The following CSMD1 variants were observed in gnomAD, a reference collection of about 807,000 sequenced individuals.
CSMD1 encodes the protein CUB and Sushi multiple domains 1.
A neutral mutation model predicts 417.5 loss-of-function variants in CSMD1; 213 were observed. That is an observed-to-expected ratio of 0.51 (90% CI 0.46 to 0.57). The LOEUF (loss-of-function observed/expected upper bound fraction) is 0.57, where lower values mean the gene tolerates loss of function less well. CSMD1 is among the 20% of genes least tolerant of loss of function. CSMD1 has a pLI of 0.00. For synonymous variants in CSMD1, 2,862 were observed against 1,736.8 expected, an observed-to-expected ratio of 1.65 and a Z score of -16.11; for missense variants, 6,923 against 4,529.7, an observed-to-expected ratio of 1.53 and a Z score of -15.17.
chr8:3,772,300 C>T (rs1486021007), intron 5 of CSMD1, among the ~76,000 whole-genome samples: 1 of 139,574 alleles, frequency 7.2e-6, no homozygotes, highest in East Asian at 2.0e-4. Context: ...TACATATGTA[C>T]ATATATTTAG....
At chr8:3,051,994 G>C (rs1003214589) in intron 50 of CSMD1, among the ~76,000 whole-genome samples, 7 of 152,146 alleles carry the variant, frequency 4.6e-5, no homozygotes, top group African/African-American at 1.7e-4. Context: ...TATTTACTGA[G>C]CATCGATGTG....
Position 3,348,099 on chromosome 8 carries a change from T to G in CSMD1, c.3367A>C (p.Asn1123His). Residue 1123 changes from asparagine (N) to histidine (H), a missense_variant, in exon 22 of 70, where the codon AAT becomes CAT. Asn to His is a moderately conservative substitution (Grantham distance 68). Transcript: ENST00000635120. ...GTLLSPNFPS[N>H]YDNNHECIYK... ...ATACACTCATGGTTATTATCATAAT[T>G]GGATGGAAAATTTGGAGACAGTAAT... is the stretch of plus-strand genomic sequence containing the variant. 1 of 1,612,904 alleles carries G rather than the reference T, an allele frequency of 6.2e-7. No homozygotes were observed. The highest frequency in any genetic ancestry group is 8.5e-7 in the Non-Finnish European group (1 of 1,179,376).
intron 3 of CSMD1, among the ~76,000 whole-genome samples, chr8:4,059,527 A>C (rs1798863306): frequency 1.3e-5 from 2 of 152,194 alleles, no homozygotes; most frequent in Admixed American, 1.3e-4. Context: ...AAGGATCAAC[A>C]AAATTGATAG....
At chr8:4,294,979 C>T (rs1585176666) in intron 3 of CSMD1, among the ~76,000 whole-genome samples, 1 of 150,146 alleles carries the variant, frequency 6.7e-6, no homozygotes, top group East Asian at 2.0e-4. Context: ...TTATATTTTG[C>T]CAAGTCACCT....
chr8:3,392,385 A>G (rs1455546453), intron 17 of CSMD1, among the ~76,000 whole-genome samples: 1 of 152,160 alleles, frequency 6.6e-6, no homozygotes, highest in African/African-American at 2.4e-5. Context: ...TAGTGCCTGC[A>G]TCTTGGCTTC....
At chr8:3,945,166 C>A (rs1325988313) in intron 5 of CSMD1, among the ~76,000 whole-genome samples, 1 of 111,594 alleles carries the variant, frequency 9.0e-6, no homozygotes, top group Non-Finnish European at 1.8e-5. Flanking sequence ...AATAATTTGA[C>A]CATGAGAAAG....
intron 10 of CSMD1, chr8:3,515,173 T>A (rs1357305574): frequency 1.3e-5 from 2 of 152,236 alleles, no homozygotes; most frequent in Admixed American, 1.3e-4. Context: ...ATGAAAGTCC[T>A]ACTCTCTATG....
intron 7 of CSMD1, among the ~76,000 whole-genome samples, chr8:3,657,294 G>T (rs556506361): frequency 6.6e-6 from 1 of 152,074 alleles, no homozygotes; most frequent in Non-Finnish European, 1.5e-5. Context: ...AGAAAAACCA[G>T]TCCCATTTAC....
At chr8:3,637,616 G>C (rs1044500022) in intron 7 of CSMD1, among the ~76,000 whole-genome samples, 1 of 151,782 alleles carries the variant, frequency 6.6e-6, no homozygotes, top group African/African-American at 2.4e-5. Context: ...TATATACTGG[G>C]TGCTACTGTT....
chr8:3,439,149 AAAACC>A lies in CSMD1; in HGVS notation c.1562-29549_1562-29545del, dbSNP rs1814778466. 4.8e-5 allele frequency among the ~76,000 whole-genome samples: 6 copies of A among 125,984 alleles called. 1 individual carries two copies. Among genetic ancestry groups the A allele is most frequent in the East Asian group, 4.8e-4 (2 of 4,194 alleles). The allele number at this position is 125,984 out of a possible 152,430, so 82.7% of individuals were successfully genotyped here. A position where few individuals can be genotyped will look rare whatever the true frequency, so the allele number is the denominator to read the frequency against. Reference sequence around the variant, plus strand: ...AAAAAAAAAAAAAAAAAAAAAAAAAAAAACCAAGAAAAAAAAAAGAAAAAGAAAAA... The same window carrying A: ...AAAAAAAAAAAAAAAAAAAAAAAAAAAAGAAAAAAAAAAGAAAAAGAAAAA... On this transcript the variant is annotated intron_variant, in intron 12 of 69. Transcript: ENST00000635120.
intron 23 of CSMD1, among the ~76,000 whole-genome samples, chr8:3,333,469 A>G (rs1221226532): frequency 6.6e-6 from 1 of 152,238 alleles, no homozygotes. Context: ...TTTCTCAGCT[A>G]GGTTAACAGC....
intron 2 of CSMD1, among the ~76,000 whole-genome samples, chr8:4,503,149 G>C (rs946460704): frequency 1.3e-5 from 2 of 152,144 alleles, no homozygotes; most frequent in African/African-American, 2.4e-5. Flanking sequence ...TTTACGTGAA[G>C]TGTGCTTTTA....
chr8:4,869,674 C>G (rs947239494), intron 1 of CSMD1, among the ~76,000 whole-genome samples: 6 of 151,902 alleles, frequency 3.9e-5, no homozygotes, highest in African/African-American at 1.2e-4. Context: ...AACATTAGGG[C>G]ACCATTTTCT....
At chr8:4,575,387 T>C (rs1442560562) in intron 2 of CSMD1, among the ~76,000 whole-genome samples, 4 of 152,206 alleles carry the variant, frequency 2.6e-5, no homozygotes, top group African/African-American at 4.8e-5. Flanking sequence ...AGCTGGATTT[T>C]AGAAATTTAA....
chr8:3,096,376 C>G (rs1480462763), intron 47 of CSMD1, among the ~76,000 whole-genome samples: 1 of 118,354 alleles, frequency 8.4e-6, no homozygotes, highest in East Asian at 1.9e-4. Context: ...CCATGCTGTT[C>G]TCCTGATAGT....
chr8:4,429,521 G>A (rs79190267), intron 2 of CSMD1, among the ~76,000 whole-genome samples: 11,512 of 152,188 alleles, frequency 0.076, 540 homozygotes, highest in South Asian at 0.13. Flanking sequence ...TAGAATTCAA[G>A]TTGGATCAGA....
intron 5 of CSMD1, among the ~76,000 whole-genome samples, chr8:3,826,783 TTTTTAA>T (rs1446093167): frequency 2.6e-5 from 4 of 152,100 alleles, no homozygotes; most frequent in South Asian, 4.1e-4. Context: ...TTTTTATTTA[TTTTTAA>T]TTTTAATATT....
chr8:4,896,954 G>A (rs922963731), intron 1 of CSMD1, among the ~76,000 whole-genome samples: 1 of 152,004 alleles, frequency 6.6e-6, no homozygotes, highest in Admixed American at 6.6e-5. Flanking sequence ...CCAAGGAAGG[G>A]CTCTCCATTT....
Position 3,281,501 on chromosome 8 carries a change from T to C in CSMD1, c.4153+2643A>G, listed in dbSNP as rs576577399. ...AACAAGTCAATAGAATATTATTCGC[T>C]GCTAAAAAGAAATGATCCGTACAGC... is the stretch of plus-strand genomic sequence containing the variant. On this transcript the variant is annotated intron_variant, in intron 26 of 69. Coordinates refer to ENST00000635120, the MANE Select transcript of CSMD1 (RefSeq NM_033225.6). 1.2e-3 allele frequency among the ~76,000 whole-genome samples: 180 copies of C among 152,078 alleles called. 1 individual carries two copies. Among genetic ancestry groups the C allele is most frequent in the African/African-American group, 4.1e-3 (172 of 41,476 alleles).
Sources: gnomAD v4.1 joint callset for allele counts (sites outside exome capture counted in the v4.1 genomes callset) on GRCh38, gnomAD v4.1.1 for gene constraint, MANE v1.5 for transcripts, NCBI Gene and HGNC (gene_info 2026-07-23, HGNC 2026-07-21) for gene names.